Variants in TAF5 observed in about 807,000 individuals in gnomAD.
TAF5 encodes the protein TATA-box binding protein associated factor 5.
A neutral mutation model predicts 80.9 loss-of-function variants in TAF5; 20 were observed. The observed-to-expected ratio is 0.25, with a 90% CI of 0.17 to 0.36. The LOEUF is 0.36. Among genes scored for constraint, TAF5 ranks in the 10% least tolerant of loss-of-function variants. TAF5 has a pLI of 1.00. For missense variants in TAF5, 863 were observed against 1,029.4 expected (o/e 0.84, Z 2.21); for synonymous variants, 388 against 406.4 (o/e 0.95, Z 0.55).
chr10:103,379,928 T>A lies in TAF5; in HGVS notation c.1322T>A (p.Ile441Lys). 1 of 1,614,052 alleles carries A rather than the reference T, an allele frequency of 6.2e-7. No homozygotes were observed. The highest frequency in any genetic ancestry group is 8.5e-7 in the Non-Finnish European group (1 of 1,180,002). ...AAAGATTCAGATAAGTTGGATAAGA[T>A]AATGAATATGAAAGAAACCACCAAA... Reference protein sequence around the residue: ...ELKDSDKLDKIMNMKETTKRV... With the variant: ...ELKDSDKLDKKMNMKETTKRV... The change falls in exon 5 of 11, where the codon ATA becomes AAA. Residue 441 changes from isoleucine to lysine, a missense_variant. By Grantham distance (102) the Ile-to-Lys change is moderately radical. Transcript: ENST00000369839.
Position 103,373,611 on chromosome 10 carries a change from C to T in TAF5, c.797+16C>T. 1 of 1,532,758 alleles carries T rather than the reference C, an allele frequency of 6.5e-7. No homozygotes were observed. The highest frequency in any genetic ancestry group is 9.0e-7 in the Non-Finnish European group (1 of 1,112,532). The allele number at this position is 1,532,758 out of a possible 1,614,324, so 94.9% of individuals were successfully genotyped here. ...TCTTTGAGAAGTATGTAAATTTTTA[C>T]ATATATATATATACACACATACGTA... On this transcript the variant is annotated intron_variant, in intron 2 of 10. Coordinates refer to ENST00000369839, the MANE Select transcript of TAF5 (RefSeq NM_006951.5).
At position 103,378,693 on chromosome 10, in the gene TAF5, T is replaced by C. The variant is rs2093375192; in HGVS notation, c.1113+143T>C. On this transcript the variant is annotated intron_variant, in intron 3 of 10. Coordinates refer to ENST00000369839, the MANE Select transcript of TAF5 (RefSeq NM_006951.5). This position sits in a 1 kb window ranked among gnomAD's most constrained non-coding sequence, Gnocchi z 4.1. ...TTGTTTTGAGACGGAGTTTTGCTCTTGTCACCCAAGCTGGAGTGCAGTGGC... is the reference window on the plus strand; with the variant it reads ...TTGTTTTGAGACGGAGTTTTGCTCTCGTCACCCAAGCTGGAGTGCAGTGGC... The C allele has an allele frequency of 1.0e-6, 1 of 978,552 alleles. No individual in the cohort carries two copies. The highest frequency in any genetic ancestry group is 2.7e-5 in the East Asian group (1 of 37,622). The allele number at this position is 978,552 out of a possible 1,614,324, so 60.6% of individuals were successfully genotyped here. A position where few individuals can be genotyped will look rare whatever the true frequency, so the allele number is the denominator to read the frequency against.
chr10:103,386,665 T>C (rs2093397047), intron 8 of TAF5, among the ~76,000 whole-genome samples: 3 of 52,606 alleles, frequency 5.7e-5, no homozygotes, highest in East Asian at 1.3e-3. Flanking sequence ...GACCTCAGCA[T>C]TTTTTTTTTT....
intron 2 of TAF5, among the ~76,000 whole-genome samples, chr10:103,376,318 C>G (rs753243088): frequency 1.2e-4 from 18 of 151,900 alleles, no homozygotes; most frequent in Admixed American, 3.3e-4. Context: ...CTTGAACTCC[C>G]GACCTCAGGT....
chr10:103,377,783 C>G (rs1045096851), intron 2 of TAF5, among the ~76,000 whole-genome samples: 18 of 152,078 alleles, frequency 1.2e-4, no homozygotes, highest in African/African-American at 4.1e-4. Flanking sequence ...ATGCTGAGTA[C>G]TGTGTACATT....
intron 6 of TAF5, 24 bp from the exon 7 acceptor site, chr10:103,383,214 A>G (rs2093387293): frequency 3.3e-6 from 5 of 1,531,268 alleles, no homozygotes; most frequent in Non-Finnish European, 3.5e-6. Context: ...CTTATAAAAT[A>G]TCAATATTTC....
At chr10:103,371,168 A>G (rs1016036764) in intron 1 of TAF5, among the ~76,000 whole-genome samples, 1 of 151,698 alleles carries the variant, frequency 6.6e-6, no homozygotes, top group African/African-American at 2.4e-5. Context: ...ACTTTAACCC[A>G]GGCGGCAGAA....
chr10:103,369,344 G>A (rs923354552), intron 1 of TAF5, among the ~76,000 whole-genome samples: 195 of 10,188 alleles, frequency 0.019, no homozygotes, highest in Non-Finnish European at 0.18. Context: ...GCTAAAAGTT[G>A]AATTTTTTTT....
intron 7 of TAF5, among the ~76,000 whole-genome samples, chr10:103,383,704 G>A (rs2093388532): frequency 6.6e-6 from 1 of 151,022 alleles, no homozygotes; most frequent in South Asian, 2.1e-4. Context: ...TCAGCCTCCT[G>A]AGTAGCTGGG....
In TAF5 at chr10:103,385,310, C is replaced by T; in HGVS notation, c.1665-16C>T. On this transcript the variant is annotated splice_polypyrimidine_tract_variant and intron_variant, in intron 7 of 10. Coordinates refer to ENST00000369839, the MANE Select transcript of TAF5 (RefSeq NM_006951.5). ...GTTACTCTGGGAGTCAAATATATCACCTTCTCTTCTCTCAGGAACTATCTG... is the reference window on the plus strand; with the variant it reads ...GTTACTCTGGGAGTCAAATATATCATCTTCTCTTCTCTCAGGAACTATCTG... 2 of 1,593,402 alleles carry T rather than the reference C, an allele frequency of 1.3e-6. No homozygotes were observed. The highest frequency in any genetic ancestry group is 1.7e-6 in the Non-Finnish European group (2 of 1,164,764).
At chr10:103,377,942 A>C (rs2133629066) in intron 2 of TAF5, among the ~76,000 whole-genome samples, 1 of 152,310 alleles carries the variant, frequency 6.6e-6, no homozygotes, top group East Asian at 1.9e-4. Context: ...CATTCTAAAG[A>C]AACTGTCTAC....
In TAF5 at chr10:103,388,294, G is replaced by C. The variant is rs2093402687; in HGVS notation, c.*71G>C. On this transcript the variant is annotated 3_prime_UTR_variant, in exon 11 of 11. Coordinates refer to ENST00000369839, the MANE Select transcript of TAF5 (RefSeq NM_006951.5). ...GGAGACTAAAAGCAAATACCTCAGTGATTAATATTTAAGCTACAGAGAATG... is the reference window on the plus strand; with the variant it reads ...GGAGACTAAAAGCAAATACCTCAGTCATTAATATTTAAGCTACAGAGAATG... 3.1e-6 allele frequency: 4 copies of C among 1,272,494 alleles called. No individual in the cohort carries two copies. The highest frequency in any genetic ancestry group is 3.3e-6 in the Non-Finnish European group (3 of 906,744). 78.8% of individuals were successfully genotyped at this position (1,272,494 alleles called of 1,614,324 possible). A position where few individuals can be genotyped will look rare whatever the true frequency, so the allele number is the denominator to read the frequency against.
chr10:103,368,207 C>G lies in TAF5; in HGVS notation c.218C>G (p.Ala73Gly), dbSNP rs1445444695. The G allele has an allele frequency of 7.1e-7, 1 of 1,409,670 alleles. No homozygotes were observed. The highest frequency in any genetic ancestry group is 9.2e-7 in the Non-Finnish European group (1 of 1,083,780). The allele number at this position is 1,409,670 out of a possible 1,614,324, so 87.3% of individuals were successfully genotyped here. The change falls in exon 1 of 11, where the codon GCT (alanine) becomes GGT (glycine). Residue 73 changes from alanine to glycine, a missense_variant. Ala to Gly is a moderately conservative substitution (Grantham distance 60). Coordinates refer to ENST00000369839, the MANE Select transcript of TAF5 (RefSeq NM_006951.5). ...TPKPTVAVSA[A>G]APAGAAPVPA... ...AAGCCCACGGTGGCTGTCTCCGCCG[C>G]TGCCCCGGCGGGGGCGGCCCCGGTG...
At position 103,388,765 on chromosome 10, in the gene TAF5, C is replaced by G. The variant is rs1207210091; in HGVS notation, c.*542C>G. 1 of 153,124 alleles carries G rather than the reference C, an allele frequency of 6.5e-6. No individual in the cohort carries two copies. Among genetic ancestry groups the G allele is most frequent in the Non-Finnish European group, 1.5e-5 (1 of 68,510 alleles). The allele number at this position is 153,124 out of a possible 1,614,324, so 9.5% of individuals were successfully genotyped here. A position where few individuals can be genotyped will look rare whatever the true frequency, so the allele number is the denominator to read the frequency against. On this transcript the variant is annotated 3_prime_UTR_variant, in exon 11 of 11. Transcript: ENST00000369839. The stretch of plus-strand genomic sequence containing the variant: ...TTTCTTAGATCTAGAGGAAGTACAG[C>G]CACCCACTGACATCTGAATTTATAT...
rs572396811 is a variant in TAF5, at chr10:103,376,504, AT to A, written c.798-1729del. Among the ~76,000 whole-genome samples, 231 of 152,192 alleles carry A rather than the reference AT, an allele frequency of 1.5e-3. 1 individual carries two copies. Among genetic ancestry groups the A allele is most frequent in the Non-Finnish European group, 2.5e-3 (171 of 67,994 alleles). The stretch of plus-strand genomic sequence containing the variant: ...ACTTAGCACCCCTGGCTTCTATGCC[AT>A]TATAGTAAATTCATTATATTAGGAT... On this transcript the variant is annotated intron_variant, in intron 2 of 10. Transcript: ENST00000369839.
chr10:103,370,039 C>G (rs1287756930), intron 1 of TAF5, among the ~76,000 whole-genome samples: 1 of 151,478 alleles, frequency 6.6e-6, no homozygotes, highest in Admixed American at 6.6e-5. Flanking sequence ...TGAGACCAGG[C>G]TGGCCGACAT....
In TAF5 at chr10:103,368,540, C is replaced by A; in HGVS notation, c.551C>A (p.Pro184Gln). 6.6e-7 allele frequency: 1 copy of A among 1,516,812 alleles called. No individual in the cohort carries two copies. Among genetic ancestry groups the A allele is most frequent in the Non-Finnish European group, 8.8e-7 (1 of 1,140,814 alleles). 94.0% of individuals were successfully genotyped at this position (1,516,812 alleles called of 1,614,324 possible). ...VSGSASGPAA[P>Q]GKVGSVAVED... The stretch of plus-strand genomic sequence containing the variant: ...GGTTCAGCCTCAGGTCCTGCGGCTC[C>A]GGGTAAAGGTGAGCCGTGGGGTCCC... The change falls in exon 1 of 11, where the codon CCG becomes CAG. Residue 184 changes from proline (P) to glutamine (Q), a missense_variant. Around this residue, in one of 3 missense-constraint regions of TAF5, gnomAD observed 367 missense variants for 335.5 expected, o/e 1.09. Coordinates refer to ENST00000369839, the MANE Select transcript of TAF5 (RefSeq NM_006951.5).
At position 103,381,885 on chromosome 10, in the gene TAF5, A is replaced by G. The variant is rs750270159; in HGVS notation, c.1534+44A>G. 6 of 1,610,524 alleles carry G rather than the reference A, an allele frequency of 3.7e-6. No homozygotes were observed. In the East Asian group the frequency reaches 1.3e-4, roughly 36 times the overall value. ...TGGAATGTGAACTTGCCATTAGTCT[A>G]TACCAATCTTGATTCCATGGAAAAT... On this transcript the variant is annotated intron_variant, in intron 6 of 10. Coordinates refer to ENST00000369839, the MANE Select transcript of TAF5 (RefSeq NM_006951.5).
At position 103,385,374 on chromosome 10, in the gene TAF5, C is replaced by G. The variant is rs1431191536; in HGVS notation, c.1713C>G (p.Ser571Arg). The change falls in exon 8 of 11, where the codon AGC (serine) becomes AGG (arginine). Residue 571 changes from serine (S) to arginine (R), a missense_variant. Transcript: ENST00000369839. ...SSEDGTVRLW[S>R]LQTFTCLVGY... ...AGGACGGAACTGTTAGATTGTGGAG[C>G]CTTCAAACATTTACTTGTTTGGTGG... 6.2e-7 allele frequency: 1 copy of G among 1,613,886 alleles called. No individual in the cohort carries two copies. The highest frequency in any genetic ancestry group is 1.7e-5 in the Admixed American group (1 of 60,016).
Sources: gnomAD v4.1 joint callset for allele counts (sites outside exome capture counted in the v4.1 genomes callset) on GRCh38, gnomAD v4.1.1 for gene constraint, gnomAD v4.1.1 regional missense constraint, Gnocchi (gnomAD v3.1) non-coding constraint, MANE v1.5 for transcripts, NCBI Gene and HGNC (gene_info 2026-07-23, HGNC 2026-07-21) for gene names.